USP15: variants seen among roughly 807,000 people sequenced by gnomAD.
The protein encoded by USP15 is ubiquitin specific peptidase 15, also known as ubiquitin carboxyl-terminal hydrolase 15.
USP15 carries 18 observed loss-of-function variants against 127.1 expected under a neutral mutation model. The ratio of observed to expected loss-of-function variants is 0.14; its 90% confidence interval spans 0.10 to 0.21. The LOEUF is 0.21. Among genes scored for constraint, USP15 ranks in the 10% least tolerant of loss-of-function variants. The probability of loss-of-function intolerance (pLI) is 1.00; values close to 1 mark genes in which losing one functional copy is unlikely to be tolerated. For missense variants in USP15, 805 were observed against 1,159.9 expected, an observed-to-expected ratio of 0.69 and a Z score of 4.44; for synonymous variants, 364 against 393.7, an observed-to-expected ratio of 0.92 and a Z score of 0.89.
intron 7 of USP15, among the ~76,000 whole-genome samples, chr12:62,352,232 T>C (rs1249747460): frequency 1.3e-5 from 2 of 151,926 alleles, no homozygotes; most frequent in Admixed American, 6.6e-5. Context: ...TTCCAAGTAA[T>C]AAAGTATACT....
At chr12:62,285,617 G>C (rs911572054) in intron 1 of USP15, among the ~76,000 whole-genome samples, 1 of 151,922 alleles carries the variant, frequency 6.6e-6, no homozygotes, top group African/African-American at 2.4e-5. Context: ...CTTTTTTATG[G>C]CTGAGTAGTA....
intron 11 of USP15, among the ~76,000 whole-genome samples, chr12:62,385,544 T>A (rs907234323): frequency 3.3e-5 from 5 of 152,032 alleles, no homozygotes; most frequent in Non-Finnish European, 5.9e-5. Context: ...TTATGTTTTC[T>A]TTATGAACTC....
intron 8 of USP15, among the ~76,000 whole-genome samples, chr12:62,356,062 G>C (rs2066118580): frequency 6.6e-6 from 1 of 151,202 alleles, no homozygotes. Flanking sequence ...GAAGTAATGA[G>C]AGAGATATAT....
chr12:62,289,144 G>C (rs1435446208), intron 1 of USP15, among the ~76,000 whole-genome samples: 1 of 152,114 alleles, frequency 6.6e-6, no homozygotes, highest in African/African-American at 2.4e-5. Context: ...TTTTGGAACA[G>C]TTTCAGTGGG....
At chr12:62,390,363 T>C (rs543597619) in intron 14 of USP15, among the ~76,000 whole-genome samples, 1 of 152,272 alleles carries the variant, frequency 6.6e-6, no homozygotes, top group African/African-American at 2.4e-5. Flanking sequence ...TTTCTTTATA[T>C]ACATTACCAG....
chr12:62,288,511 T>C (rs1241419535), intron 1 of USP15, among the ~76,000 whole-genome samples: 1 of 152,150 alleles, frequency 6.6e-6, no homozygotes, highest in East Asian at 1.9e-4. Flanking sequence ...GTGGAATCTT[T>C]AGAGTTATCT....
intron 2 of USP15, 98 bp downstream of exon 2, chr12:62,294,404 T>A: frequency 5.7e-6 from 8 of 1,406,014 alleles, no homozygotes; most frequent in Non-Finnish European, 7.7e-6. Flanking sequence ...GCAAATAAGT[T>A]GATAAAGTTT....
intron 6 of USP15, chr12:62,335,924 C>A: frequency 1.0e-6 from 1 of 985,410 alleles, no homozygotes. Flanking sequence ...GCCTCTCTGA[C>A]CAGTCCTTTG....
At chr12:62,390,593 C>G (rs567563530) in intron 14 of USP15, among the ~76,000 whole-genome samples, 1 of 152,040 alleles carries the variant, frequency 6.6e-6, no homozygotes, top group African/African-American at 2.4e-5. Flanking sequence ...ACAATATATA[C>G]CATCTAAATA....
At chr12:62,305,467 A>G (rs2064456473) in intron 3 of USP15, 1 of 152,172 alleles carries the variant, frequency 6.6e-6, no homozygotes, top group South Asian at 2.1e-4. Flanking sequence ...TGAAGGTGAA[A>G]AAAGCCATTT....
At chr12:62,273,026 C>T (rs2063379558) in intron 1 of USP15, among the ~76,000 whole-genome samples, 1 of 152,004 alleles carries the variant, frequency 6.6e-6, no homozygotes. Flanking sequence ...ATTAAAGGCA[C>T]TATTTAGTTC....
intron 1 of USP15, among the ~76,000 whole-genome samples, chr12:62,271,354 A>G (rs1331026475): frequency 6.6e-6 from 1 of 152,058 alleles, no homozygotes; most frequent in Non-Finnish European, 1.5e-5. Flanking sequence ...GAGTAAGGGT[A>G]TTCCAAGAGA....
intron 3 of USP15, chr12:62,304,827 G>C: frequency 4.7e-6 from 1 of 211,148 alleles, no homozygotes; most frequent in Admixed American, 5.3e-5. Flanking sequence ...GGCTTATTAT[G>C]CTTAAAAAAA....
intron 6 of USP15, chr12:62,335,190 G>A (rs1293079881): frequency 1.3e-6 from 2 of 1,535,692 alleles, no homozygotes; most frequent in Non-Finnish European, 1.7e-6. Flanking sequence ...AGAGTTGCTA[G>A]TGAACAGTTT....
chr12:62,402,008 TTTAA>T (rs2137671460), intron 21 of USP15, among the ~76,000 whole-genome samples: 1 of 151,462 alleles, frequency 6.6e-6, no homozygotes, highest in Non-Finnish European at 1.5e-5. Flanking sequence ...TTGTGTTAGT[TTTAA>T]TTAACCACAT....
chr12:62,349,374 T>C (rs773471772), intron 7 of USP15, 67 bp downstream of exon 7: 4 of 1,063,934 alleles, frequency 3.8e-6, no homozygotes, highest in Non-Finnish European at 5.0e-6. Context: ...AAAAATCTCT[T>C]GTATCTAAAA....
chr12:62,384,037 TTG>T, intron 10 of USP15, 39 bp downstream of exon 10: 1 of 1,610,268 alleles, frequency 6.2e-7, no homozygotes, highest in South Asian at 1.1e-5. Flanking sequence ...TGTTATAATT[TTG>T]TGATACCTCT....
intron 3 of USP15, among the ~76,000 whole-genome samples, chr12:62,309,738 T>C (rs2064599767): frequency 1.3e-5 from 2 of 151,880 alleles, no homozygotes; most frequent in Non-Finnish European, 2.9e-5. Context: ...AGAATACAAT[T>C]TTAACTTTGA....
At chr12:62,296,311 A>G (rs2137163892) in intron 2 of USP15, among the ~76,000 whole-genome samples, 1 of 152,274 alleles carries the variant, frequency 6.6e-6, no homozygotes, top group South Asian at 2.1e-4. Flanking sequence ...GCCCTCCTTA[A>G]CTACTGACCC....
Sources: gnomAD v4.1 joint callset for allele counts (sites outside exome capture counted in the v4.1 genomes callset) on GRCh38, gnomAD v4.1.1 for gene constraint, MANE v1.5 for transcripts, NCBI Gene and HGNC (gene_info 2026-07-23, HGNC 2026-07-21) for gene names.